The following ULK4 variants were observed in gnomAD, a reference collection of about 807,000 sequenced individuals.
The protein encoded by ULK4 is unc-51 like kinase 4, also known as inactive serine/threonine-protein kinase ULK4.
A neutral mutation model predicts 160.6 loss-of-function variants in ULK4; 133 were observed. The ratio of observed to expected loss-of-function variants is 0.83; its 90% CI spans 0.72 to 0.96. The LOEUF is 0.96. Among genes scored for constraint, ULK4 ranks in the 40% least tolerant of loss-of-function variants. The pLI is 0.00. For missense variants in ULK4, 1,580 were observed against 1,499.5 expected, an observed-to-expected ratio of 1.05 and a Z score of -0.89; for synonymous variants, 534 against 539.8, an observed-to-expected ratio of 0.99 and a Z score of 0.15.
At chr3:41,721,362 A>ATTTTTTT (rs1192444773) in intron 22 of ULK4, among the ~76,000 whole-genome samples, 4 of 27,958 alleles carry the variant, frequency 1.4e-4, no homozygotes, top group African/African-American at 7.6e-4. Flanking sequence ...ATATATATAT[A>ATTTTTTT]TTTTTTTTTT....
chr3:41,502,382 G>C (rs1398184667), intron 32 of ULK4, among the ~76,000 whole-genome samples: 1 of 152,124 alleles, frequency 6.6e-6, no homozygotes, highest in Non-Finnish European at 1.5e-5. Context: ...TTAAATAACA[G>C]AGATGGGCAG....
At chr3:41,374,976 A>C (rs890808159) in intron 35 of ULK4, among the ~76,000 whole-genome samples, 5 of 151,646 alleles carry the variant, frequency 3.3e-5, no homozygotes, top group Non-Finnish European at 5.9e-5. Flanking sequence ...AATCAGAAGC[A>C]TTCTTATACA....
intron 27 of ULK4, among the ~76,000 whole-genome samples, chr3:41,696,221 G>C (rs1456353250): frequency 6.6e-6 from 1 of 152,222 alleles, no homozygotes. Flanking sequence ...TCTCCCTGTG[G>C]TGCTATGCTT....
chr3:41,407,193 TA>T (rs2082311314), intron 34 of ULK4, among the ~76,000 whole-genome samples: 1 of 152,096 alleles, frequency 6.6e-6, no homozygotes, highest in Non-Finnish European at 1.5e-5. Context: ...AATTTATGGC[TA>T]AAAACCATCC....
intron 36 of ULK4, 76 bp downstream of exon 36, chr3:41,249,413 G>A (rs763764677): frequency 6.1e-5 from 82 of 1,339,308 alleles, no homozygotes; most frequent in Admixed American, 2.5e-4. Context: ...AGATGAGTGG[G>A]AGGAGTGGAG....
chr3:41,893,287 T>C (rs1160061641), intron 16 of ULK4, among the ~76,000 whole-genome samples: 1 of 152,230 alleles, frequency 6.6e-6, no homozygotes, highest in East Asian at 1.9e-4. Context: ...AAATGGAATA[T>C]TTTAAATTAT....
chr3:41,523,071 A>T (rs1391744726), intron 32 of ULK4, among the ~76,000 whole-genome samples: 1 of 151,850 alleles, frequency 6.6e-6, no homozygotes, highest in Non-Finnish European at 1.5e-5. Flanking sequence ...ACCACGCCCG[A>T]CTAATTTTTG....
intron 17 of ULK4, 53 bp from the exon 18 acceptor site, chr3:41,836,024 C>A: frequency 1.6e-6 from 2 of 1,238,966 alleles, no homozygotes; most frequent in South Asian, 2.6e-5. Flanking sequence ...TCTCTCAGTT[C>A]TTAAACCTAT....
At chr3:41,581,642 AC>A (rs2030350634) in intron 31 of ULK4, among the ~76,000 whole-genome samples, 1 of 152,194 alleles carries the variant, frequency 6.6e-6, no homozygotes, top group Non-Finnish European at 1.5e-5. Flanking sequence ...GGCCAGGCCC[AC>A]CCCAGGTCCT....
chr3:41,249,848 C>T (rs531487016), intron 35 of ULK4, among the ~76,000 whole-genome samples: 1 of 152,312 alleles, frequency 6.6e-6, no homozygotes, highest in African/African-American at 2.4e-5. Flanking sequence ...CAGGGAGCCT[C>T]CTGCGGATCT....
chr3:41,485,748 G>A (rs988604922), intron 32 of ULK4, among the ~76,000 whole-genome samples: 15 of 152,076 alleles, frequency 9.9e-5, no homozygotes, highest in Admixed American at 9.2e-4. Flanking sequence ...GTTTTCTGGT[G>A]GAGAAAATAA....
intron 17 of ULK4, among the ~76,000 whole-genome samples, chr3:41,855,788 G>A (rs2042322164): frequency 6.6e-6 from 1 of 152,040 alleles, no homozygotes; most frequent in Non-Finnish European, 1.5e-5. Context: ...CTGTTTCCAT[G>A]TTTCTTTCAT....
chr3:41,443,676 A>G (rs1375180218), intron 34 of ULK4, among the ~76,000 whole-genome samples: 2 of 152,130 alleles, frequency 1.3e-5, no homozygotes, highest in African/African-American at 4.8e-5. Context: ...GAACCATGCA[A>G]AGACTGTCTC....
chr3:41,751,554 G>A (rs1252288415), intron 22 of ULK4, among the ~76,000 whole-genome samples: 2 of 152,062 alleles, frequency 1.3e-5, no homozygotes, highest in African/African-American at 4.8e-5. Context: ...CAGTGTCAGG[G>A]GCATGCCTTC....
intron 32 of ULK4, among the ~76,000 whole-genome samples, chr3:41,481,826 C>CAAAAA (rs71616009): frequency 3.0e-5 from 2 of 66,852 alleles, no homozygotes; most frequent in African/African-American, 4.6e-5. Context: ...GACTCCGTCT[C>CAAAAA]AAAAAAAAAA....
chr3:41,579,864 C>G (rs1416760730), intron 31 of ULK4, among the ~76,000 whole-genome samples: 1 of 152,188 alleles, frequency 6.6e-6, no homozygotes, highest in East Asian at 1.9e-4. Context: ...CGTGCACAGA[C>G]AGCAGCTCTG....
At chr3:41,837,205 T>C (rs771640844) in intron 17 of ULK4, among the ~76,000 whole-genome samples, 16 of 152,218 alleles carry the variant, frequency 1.1e-4, no homozygotes, top group Non-Finnish European at 4.4e-5. Flanking sequence ...GGAGTACTTG[T>C]TAATGTGCGA....
chr3:41,440,523 A>G (rs2125855975), intron 34 of ULK4, among the ~76,000 whole-genome samples: 1 of 152,242 alleles, frequency 6.6e-6, no homozygotes, highest in South Asian at 2.1e-4. Context: ...TGGCCATGGT[A>G]TATTTATTCT....
chr3:41,355,536 GCTGA>G (rs1284936053), intron 35 of ULK4, among the ~76,000 whole-genome samples: 1 of 152,196 alleles, frequency 6.6e-6, no homozygotes, highest in African/African-American at 2.4e-5. Context: ...TTGTAAGAGA[GCTGA>G]CTGTCAAGAC....
Sources: allele counts gnomAD v4.1 joint callset (sites outside exome capture counted in the v4.1 genomes callset), GRCh38; gene constraint gnomAD v4.1.1; transcripts MANE v1.5; gene names NCBI Gene and HGNC (gene_info 2026-07-23, HGNC 2026-07-21).